Variants in DENR observed in about 807,000 individuals in gnomAD.
DENR encodes density-regulated protein.
In DENR, 6 loss-of-function variants were observed where a neutral mutation model predicts 30.6. The observed-to-expected ratio is 0.20, with a 90% CI of 0.11 to 0.39. The LOEUF is 0.39. DENR is among the 10% of genes least tolerant of loss of function. DENR has a pLI of 1.00. For missense variants in DENR, 141 were observed against 230.9 expected, an observed-to-expected ratio of 0.61 and a Z score of 2.52; for synonymous variants, 78 against 72.1, an observed-to-expected ratio of 1.08 and a Z score of -0.41.
Position 122,769,014 on chromosome 12 carries a change from T to C in DENR, c.553-20T>C, listed in dbSNP as rs1228915278. The C allele has an allele frequency of 1.9e-6, 3 of 1,609,624 alleles. No individual in the cohort carries two copies. The highest frequency in any genetic ancestry group is 2.5e-6 in the Non-Finnish European group (3 of 1,178,536). On this transcript the variant is annotated intron_variant, in intron 7 of 7. Transcript: ENST00000280557. Reference sequence around the variant, plus strand: ...AATTGCAACCACAACTCATGAGATATAATTATTTGTGTTTTATAGGTAGAT... The same window carrying C: ...AATTGCAACCACAACTCATGAGATACAATTATTTGTGTTTTATAGGTAGAT...
At chr12:122,768,950 G>T in intron 7 of DENR, 29 bp downstream of exon 7, 1 of 1,604,070 alleles carries the variant, frequency 6.2e-7, no homozygotes, top group South Asian at 1.1e-5. Context: ...TACATCGCTA[G>T]AGATAAGTTT....
At position 122,765,255 on chromosome 12, in the gene DENR, AAC is replaced by A. The variant is rs1314734118; in HGVS notation, c.212-47_212-46del. 6 of 1,431,548 alleles carry A rather than the reference AAC, an allele frequency of 4.2e-6. No homozygotes were observed. The Admixed American group carries it at 1.1e-4, about 27-fold the overall frequency. The allele number at this position is 1,431,548 out of a possible 1,614,324, so 88.7% of individuals were successfully genotyped here. Reference sequence around the variant, plus strand: ...GCTCAAAGGTGATTTCTTTTTTTTTAACAGTGTGAGATGATGTTCATGCTTTT... The same window carrying A: ...GCTCAAAGGTGATTTCTTTTTTTTTAAGTGTGAGATGATGTTCATGCTTTT... On this transcript the variant is annotated intron_variant, in intron 4 of 7. Coordinates refer to ENST00000280557, the MANE Select transcript of DENR (RefSeq NM_003677.5).
chr12:122,770,579 A>T lies in DENR; in HGVS notation c.*1501A>T. ...AATAGCAATTGAAACATGTCTTCTCACAAGAGAAAATGACAGTTTTAATGA... is the reference window on the plus strand; with the variant it reads ...AATAGCAATTGAAACATGTCTTCTCTCAAGAGAAAATGACAGTTTTAATGA... On this transcript the variant is annotated 3_prime_UTR_variant, in exon 8 of 8. Coordinates refer to ENST00000280557, the MANE Select transcript of DENR (RefSeq NM_003677.5). 2 of 398,496 alleles carry T rather than the reference A, an allele frequency of 5.0e-6. No individual in the cohort carries two copies. The highest frequency in any genetic ancestry group is 4.4e-6 in the Non-Finnish European group (1 of 226,002). 24.7% of individuals were successfully genotyped at this position (398,496 alleles called of 1,614,324 possible).
At chr12:122,763,478 G>T (rs1878762497) in intron 4 of DENR, among the ~76,000 whole-genome samples, 2 of 152,268 alleles carry the variant, frequency 1.3e-5, no homozygotes, top group East Asian at 3.9e-4. Flanking sequence ...GGCTGAGGCG[G>T]GTGGATCACC....
At chr12:122,760,029 G>A (rs1878653409) in intron 2 of DENR, among the ~76,000 whole-genome samples, 1 of 152,184 alleles carries the variant, frequency 6.6e-6, no homozygotes, top group Non-Finnish European at 1.5e-5. Context: ...TGCCCCATCT[G>A]TAAAATAGTG....
intron 5 of DENR, among the ~76,000 whole-genome samples, chr12:122,766,830 G>A (rs1206470543): frequency 6.6e-6 from 1 of 152,102 alleles, no homozygotes; most frequent in Non-Finnish European, 1.5e-5. Flanking sequence ...ACTAACGCAA[G>A]AGCCTCTGTA....
At chr12:122,768,572 T>C (rs1297372776) in intron 6 of DENR, among the ~76,000 whole-genome samples, 1 of 152,234 alleles carries the variant, frequency 6.6e-6, no homozygotes, top group African/African-American at 2.4e-5. Flanking sequence ...TAGATGATTC[T>C]GTTTTTATGT....
At chr12:122,767,038 C>G (rs980681457) in intron 5 of DENR, among the ~76,000 whole-genome samples, 3 of 152,178 alleles carry the variant, frequency 2.0e-5, no homozygotes, top group Non-Finnish European at 4.4e-5. Flanking sequence ...AATGTCCTTT[C>G]TTATGCCTCT....
chr12:122,764,455 C>T (rs1380932454), intron 4 of DENR, among the ~76,000 whole-genome samples: 4 of 152,132 alleles, frequency 2.6e-5, no homozygotes, highest in East Asian at 3.9e-4. Context: ...AAAAATTAGC[C>T]GGGCGAGGTG....
At chr12:122,756,335 G>A (rs1341865162) in intron 2 of DENR, among the ~76,000 whole-genome samples, 1 of 152,166 alleles carries the variant, frequency 6.6e-6, no homozygotes, top group Non-Finnish European at 1.5e-5. Flanking sequence ...TGTAATCCCA[G>A]CTACTCGGGA....
At chr12:122,761,557 C>T (rs184899925) in intron 2 of DENR, among the ~76,000 whole-genome samples, 2 of 151,834 alleles carry the variant, frequency 1.3e-5, no homozygotes, top group Non-Finnish European at 2.9e-5. Flanking sequence ...CAGTGCTTCA[C>T]GCCTGTGATC....
chr12:122,753,429 A>G lies in DENR; in HGVS notation c.-9-264A>G, dbSNP rs576014110. On this transcript the variant is annotated intron_variant, in intron 1 of 7. Transcript: ENST00000280557. Reference sequence around the variant, plus strand: ...GTACTCACCCCATCTTTCCTTCCCCATTGCTTCCTGTTTTTCTCTAGTGAG... The same window carrying G: ...GTACTCACCCCATCTTTCCTTCCCCGTTGCTTCCTGTTTTTCTCTAGTGAG... Among the ~76,000 whole-genome samples the G allele has an allele frequency of 8.6e-5, 13 of 151,420 alleles. No homozygotes were observed. In the East Asian group the frequency reaches 2.3e-3, roughly 27 times the overall value.
In DENR at chr12:122,768,886, G is replaced by T; in HGVS notation, c.517G>T (p.Asp173Tyr). 1 of 1,612,616 alleles carries T rather than the reference G, an allele frequency of 6.2e-7. No individual in the cohort carries two copies. ...TATCATTCAGGGAGATTTTACAGAT[G>T]ACATAATTGATGTCATTCAGGAAAA... ...EIIIQGDFTDDIIDVIQEKWP... is the reference protein window; with the variant it reads ...EIIIQGDFTDYIIDVIQEKWP... Residue 173 changes from aspartate to tyrosine, a missense_variant, in exon 7 of 8, where the codon GAC (aspartate) becomes TAC (tyrosine). Physicochemically the swap from Asp to Tyr is radical, Grantham distance 160. Around this residue, in one of 2 missense-constraint regions of DENR, gnomAD observed 37 missense variants for 92.6 expected, o/e 0.40. Transcript: ENST00000280557.
chr12:122,762,795 G>A lies in DENR; in HGVS notation c.127-50G>A, dbSNP rs1203601210. The A allele has an allele frequency of 4.1e-6, 5 of 1,222,774 alleles. No individual in the cohort carries two copies. In the East Asian group the frequency reaches 7.8e-5, roughly 19 times the overall value. The allele number at this position is 1,222,774 out of a possible 1,614,324, so 75.7% of individuals were successfully genotyped here. ...GGGTGATTTTTAATTACGACATATT[G>A]TTTGACTGAAAATGTTTTGTTGTGA... is the stretch of plus-strand genomic sequence containing the variant. On this transcript the variant is annotated intron_variant, in intron 3 of 7. Transcript: ENST00000280557.
At chr12:122,764,771 C>T (rs181471475) in intron 4 of DENR, among the ~76,000 whole-genome samples, 33 of 152,310 alleles carry the variant, frequency 2.2e-4, no homozygotes, top group Middle Eastern at 3.4e-3. Context: ...CCCAGTGCTG[C>T]CCCACTCATT....
At chr12:122,768,512 A>T (rs1878908799) in intron 6 of DENR, among the ~76,000 whole-genome samples, 2 of 152,046 alleles carry the variant, frequency 1.3e-5, no homozygotes, top group African/African-American at 4.8e-5. Context: ...AAAAAAATGA[A>T]TAAAGTGTCC....
rs1214252532 is a variant in DENR, at chr12:122,770,723, C to T, written c.*1645C>T. ...TAGAACCCATGGAACCCTTGTTTAT[C>T]GCCATGCAAATTACAATCTTGAATG... On this transcript the variant is annotated 3_prime_UTR_variant, in exon 8 of 8. Transcript: ENST00000280557. 3 of 398,312 alleles carry T rather than the reference C, an allele frequency of 7.5e-6. No individual in the cohort carries two copies. The Admixed American group carries it at 1.3e-4, about 18-fold the overall frequency. 24.7% of individuals were successfully genotyped at this position (398,312 alleles called of 1,614,324 possible).
rs1457224036 is a variant in DENR at position 122,770,969 on chromosome 12, T to A, written c.*1891T>A. Reference sequence around the variant, plus strand: ...TGACTTCATGTAAAGTTTCTTTGTGTTCACAGTTCTTAGCAAATGCAGTTA... The same window carrying A: ...TGACTTCATGTAAAGTTTCTTTGTGATCACAGTTCTTAGCAAATGCAGTTA... On this transcript the variant is annotated 3_prime_UTR_variant, in exon 8 of 8. Coordinates refer to ENST00000280557, the MANE Select transcript of DENR (RefSeq NM_003677.5). 2.7e-6 allele frequency: 1 copy of A among 376,332 alleles called. No homozygotes were observed. The highest frequency in any genetic ancestry group is 4.7e-6 in the Non-Finnish European group (1 of 212,830). 23.3% of individuals were successfully genotyped at this position (376,332 alleles called of 1,614,324 possible). A position where few individuals can be genotyped will look rare whatever the true frequency, so the allele number is the denominator to read the frequency against.
intron 1 of DENR, among the ~76,000 whole-genome samples, 188 bp from the exon 2 acceptor site, chr12:122,753,505 C>A (rs1878469587): frequency 6.6e-6 from 1 of 152,156 alleles, no homozygotes; most frequent in Non-Finnish European, 1.5e-5. Context: ...TCCCTGTAGA[C>A]CTGTGGAGCA....
Sources: gnomAD v4.1 joint callset for allele counts (sites outside exome capture counted in the v4.1 genomes callset) on GRCh38, gnomAD v4.1.1 for gene constraint, gnomAD v4.1.1 regional missense constraint, MANE v1.5 for transcripts, NCBI Gene and HGNC (gene_info 2026-07-23, HGNC 2026-07-21) for gene names.